The following STRIP1 variants were observed in gnomAD, a reference collection of about 807,000 sequenced individuals.
The protein encoded by STRIP1 is striatin interacting protein 1.
In STRIP1, 63 loss-of-function variants were observed where a neutral mutation model predicts 106.2. That is an observed-to-expected ratio of 0.59 (90% CI 0.48 to 0.73). STRIP1 has a LOEUF of 0.73. Among genes scored for constraint, STRIP1 ranks in the 30% least tolerant of loss-of-function variants. STRIP1 has a pLI of 0.00. For synonymous variants in STRIP1, 390 were observed against 413.0 expected, an observed-to-expected ratio of 0.94 and a Z score of 0.67; for missense variants, 857 against 1,074.8, an observed-to-expected ratio of 0.80 and a Z score of 2.83.
In STRIP1 at chr1:110,039,184, A is replaced by G. The variant is rs1016084719; in HGVS notation, c.338A>G (p.Lys113Arg). 1.9e-6 allele frequency: 3 copies of G among 1,614,068 alleles called. No homozygotes were observed. In the African/African-American group the frequency reaches 4.0e-5, roughly 22 times the overall value. The change falls in exon 4 of 21, where the codon AAG (lysine) becomes AGG (arginine). Residue 113 changes from lysine to arginine, a missense_variant. Physicochemically the swap from Lys to Arg is conservative, Grantham distance 26 (BLOSUM62 2). This residue lies in a region of STRIP1 where 750 missense variants were observed against 989.8 expected (regional missense o/e 0.76). Coordinates refer to ENST00000369795, the MANE Select transcript of STRIP1 (RefSeq NM_033088.4). ...EDFRIHVTDKKWTELDTNQHR... is the reference protein window; with the variant it reads ...EDFRIHVTDKRWTELDTNQHR... The stretch of plus-strand genomic sequence containing the variant: ...TCTTGCCCTGCAGTGACAGACAAGA[A>G]GTGGACTGAGCTGGATACCAACCAG...
At chr1:110,048,398 G>A (rs1284480912) in intron 15 of STRIP1, 1 of 160,750 alleles carries the variant, frequency 6.2e-6, no homozygotes, top group Non-Finnish European at 1.4e-5. Context: ...TTGAGATCAT[G>A]TTCTACTTTG....
chr1:110,049,158 C>T lies in STRIP1; in HGVS notation c.1708C>T (p.His570Tyr). Residue 570 changes from histidine (H) to tyrosine (Y), a missense_variant, in exon 16 of 21, where the codon CAC becomes TAC. Physicochemically the swap from His to Tyr is moderately conservative, Grantham distance 83. This residue lies in a region of STRIP1 where 750 missense variants were observed against 989.8 expected (regional missense o/e 0.76). Transcript: ENST00000369795. Reference protein sequence around the residue: ...SMKLGVDVNRHKEVIVKAISA... With the variant: ...SMKLGVDVNRYKEVIVKAISA... ...GAAGCTGGGGGTGGATGTAAACCGCCACAAAGAGGTCATTGTTAAGGCCAT... is the reference window on the plus strand; with the variant it reads ...GAAGCTGGGGGTGGATGTAAACCGCTACAAAGAGGTCATTGTTAAGGCCAT... The T allele has an allele frequency of 6.2e-7, 1 of 1,614,164 alleles. No individual in the cohort carries two copies. The highest frequency in any genetic ancestry group is 8.5e-7 in the Non-Finnish European group (1 of 1,180,030).
At chr1:110,047,397 G>A (rs937709246) in intron 13 of STRIP1, 145 bp from the exon 14 acceptor site, 12 of 652,202 alleles carry the variant, frequency 1.8e-5, no homozygotes, top group South Asian at 5.4e-5. Context: ...TTGGCACATT[G>A]TTTGTGTTCA....
At chr1:110,050,694 A>G (rs979738092) in intron 18 of STRIP1, among the ~76,000 whole-genome samples, 1 of 152,190 alleles carries the variant, frequency 6.6e-6, no homozygotes, top group East Asian at 1.9e-4. Flanking sequence ...TGGACTCGGC[A>G]GTAGGAGCTC....
At chr1:110,039,005 C>T in intron 3 of STRIP1, 167 bp from the exon 4 acceptor site, 1 of 851,920 alleles carries the variant, frequency 1.2e-6, no homozygotes, top group South Asian at 1.8e-5. Context: ...ACCAGCGTTT[C>T]AGTTTGGAAT....
intron 17 of STRIP1, chr1:110,050,064 C>T (rs542494195): frequency 3.7e-5 from 17 of 461,142 alleles, no homozygotes; most frequent in Admixed American, 1.1e-4. Flanking sequence ...TCTCCTCCCC[C>T]GCCCCACATT....
intron 8 of STRIP1, among the ~76,000 whole-genome samples, chr1:110,042,543 C>T (rs1652812784): frequency 6.6e-6 from 1 of 152,232 alleles, no homozygotes; most frequent in Non-Finnish European, 1.5e-5. Flanking sequence ...ATCTTGGCCA[C>T]ACATTCTGTT....
chr1:110,045,140 C>T, intron 12 of STRIP1, 62 bp downstream of exon 12: 2 of 1,491,292 alleles, frequency 1.3e-6, no homozygotes, highest in Non-Finnish European at 1.9e-6. Context: ...TGAAACCAGC[C>T]TGTAGGGAGA....
At chr1:110,040,742 C>G in intron 6 of STRIP1, 39 bp downstream of exon 6, 1 of 1,570,804 alleles carries the variant, frequency 6.4e-7, no homozygotes, top group Non-Finnish European at 8.7e-7. Context: ...GAGCGTTAGT[C>G]AGAGATGAGA....
In STRIP1 at chr1:110,044,804, C is replaced by A. The variant is rs1652937669; in HGVS notation, c.1287-36C>A. ...ACTTTGAAATAGCATTTGCTAAAAA[C>A]CTTTTTTCTTTCTCTCTTTTTTGGT... On this transcript the variant is annotated intron_variant, in intron 10 of 20. Coordinates refer to ENST00000369795, the MANE Select transcript of STRIP1 (RefSeq NM_033088.4). 9 of 1,609,278 alleles carry A rather than the reference C, an allele frequency of 5.6e-6. No individual in the cohort carries two copies. The South Asian group carries it at 6.6e-5, about 12-fold the overall frequency.
chr1:110,041,632 A>T lies in STRIP1; in HGVS notation c.747A>T (p.Arg249Ser), dbSNP rs761173535. The change falls in exon 7 of 21, where the codon AGA (arginine) becomes AGT (serine). Residue 249 changes from arginine to serine, a missense_variant. Physicochemically the swap from Arg to Ser is moderately radical, Grantham distance 110. This residue lies in a region of STRIP1 where 750 missense variants were observed against 989.8 expected (regional missense o/e 0.76). Coordinates refer to ENST00000369795, the MANE Select transcript of STRIP1 (RefSeq NM_033088.4). ...GGAGGACCATGCGGCAGACCTTCAG[A>T]GCCGAGCTGGGTAGGACCCTGGGGA... is the stretch of plus-strand genomic sequence containing the variant. ...AEWRTMRQTF[R>S]AELGSPLYNN... 2.7e-5 allele frequency: 43 copies of T among 1,613,950 alleles called. No individual in the cohort carries two copies. The Middle Eastern group carries it at 6.6e-4, about 25-fold the overall frequency.
intron 3 of STRIP1, 69 bp downstream of exon 3, chr1:110,038,826 C>G (rs979498218): frequency 7.1e-7 from 1 of 1,406,370 alleles, no homozygotes; most frequent in Non-Finnish European, 1.0e-6. Flanking sequence ...TTCTTTTAGG[C>G]ATCTGAATGA....
At chr1:110,046,645 T>G in intron 12 of STRIP1, 35 bp from the exon 13 acceptor site, 1 of 1,602,610 alleles carries the variant, frequency 6.2e-7, no homozygotes. Context: ...AGAGAATGTT[T>G]TCCCCAGCCC....
chr1:110,038,006 T>C lies in STRIP1; in HGVS notation c.250+46T>C, dbSNP rs768246920. 10 of 1,270,450 alleles carry C rather than the reference T, an allele frequency of 7.9e-6. No homozygotes were observed. In the African/African-American group the frequency reaches 1.0e-4, roughly 13 times the overall value. The allele number at this position is 1,270,450 out of a possible 1,614,324, so 78.7% of individuals were successfully genotyped here. ...TTATTTGGGGGTGGTTTTTTCCTTA[T>C]TGGTCTTTAATAAAATTAATAATGA... On this transcript the variant is annotated intron_variant, in intron 2 of 20. Coordinates refer to ENST00000369795, the MANE Select transcript of STRIP1 (RefSeq NM_033088.4).
chr1:110,036,919 G>A lies in STRIP1; in HGVS notation c.181-972G>A, dbSNP rs565462712. Among the ~76,000 whole-genome samples, 4 of 152,258 alleles carry A rather than the reference G, an allele frequency of 2.6e-5. No homozygotes were observed. The South Asian group carries it at 8.3e-4, about 32-fold the overall frequency. ...GCTCACTGCAACCTCCACTTCCGGG[G>A]CTCAAGCGATTCTCCTGCCTTAGCC... On this transcript the variant is annotated intron_variant, in intron 1 of 20. Transcript: ENST00000369795.
chr1:110,041,581 G>C lies in STRIP1; in HGVS notation c.696G>C (p.Gln232His). 1 of 1,614,176 alleles carries C rather than the reference G, an allele frequency of 6.2e-7. No individual in the cohort carries two copies. Among genetic ancestry groups the C allele is most frequent in the Non-Finnish European group, 8.5e-7 (1 of 1,180,028 alleles). Residue 232 changes from glutamine (Q) to histidine (H), a missense_variant, in exon 7 of 21, where the codon CAG becomes CAC. By Grantham distance (24) the Gln-to-His change is conservative. Coordinates refer to ENST00000369795, the MANE Select transcript of STRIP1 (RefSeq NM_033088.4). ...ACCTGATAGTGGAGACCGTTCATCA[G>C]GAGTGTGAGGGTGACAAGGCTGAGT... The part of the protein sequence containing the change: ...IMYLIVETVH[Q>H]ECEGDKAEWR...
Position 110,050,406 on chromosome 1 carries a change from T to C in STRIP1, c.1953T>C (p.Ser651=). 1 of 1,613,958 alleles carries C rather than the reference T, an allele frequency of 6.2e-7. No homozygotes were observed. Among genetic ancestry groups the C allele is most frequent in the South Asian group, 1.1e-5 (1 of 91,074 alleles). The change falls in exon 18 of 21, where the codon AGT becomes AGC. Residue 651 remains serine, a synonymous_variant. Coordinates refer to ENST00000369795, the MANE Select transcript of STRIP1 (RefSeq NM_033088.4). Reference sequence around the variant, plus strand: ...AGCTGCCAGAGCTGACGGCGGAGAGTTTGGTGAGTGGCTGGGCTCTCCTCA... The same window carrying C: ...AGCTGCCAGAGCTGACGGCGGAGAGCTTGGTGAGTGGCTGGGCTCTCCTCA... ...VHELPELTAE[S]LEAGDSNQFC... is the part of the protein sequence containing the mutation.
chr1:110,036,458 C>CA (rs59194198), intron 1 of STRIP1, among the ~76,000 whole-genome samples: 39 of 146,506 alleles, frequency 2.7e-4, no homozygotes, highest in Non-Finnish European at 4.7e-4. Flanking sequence ...CTCCCCGTCT[C>CA]AAAAAAAAAA....
chr1:110,045,377 T>C (rs1652973345), intron 12 of STRIP1: 1 of 374,016 alleles, frequency 2.7e-6, no homozygotes, highest in Non-Finnish European at 5.0e-6. Flanking sequence ...CTCAAGAGGT[T>C]GATGCAGGAG....
Sources: gnomAD v4.1 joint callset for allele counts (sites outside exome capture counted in the v4.1 genomes callset) on GRCh38, gnomAD v4.1.1 for gene constraint, gnomAD v4.1.1 regional missense constraint, MANE v1.5 for transcripts, NCBI Gene and HGNC (gene_info 2026-07-23, HGNC 2026-07-21) for gene names.